AKAP19: variants seen among roughly 807,000 people sequenced by gnomAD.
The protein encoded by AKAP19 is A-kinase anchoring protein 19.
At chr2:190,115,215 G>GAAGGAGAAGTAGA in the AKAP19 span, among the ~76,000 whole-genome samples, 5 of 114,818 alleles carry the variant, frequency 4.4e-5, no homozygotes, top group African/African-American at 1.7e-4. Context: ...GACAGAGAGA[G>GAAGGAGAAGTAGA]AAGGAGAAGT....
chr2:190,088,144 C>T, the AKAP19 span, among the ~76,000 whole-genome samples: 4 of 152,296 alleles, frequency 2.6e-5, no homozygotes, highest in East Asian at 7.7e-4. Context: ...TTTGCCAAAG[C>T]TTCCATAACT....
At chr2:189,948,006 T>G in the AKAP19 span, among the ~76,000 whole-genome samples, 4 of 152,244 alleles carry the variant, frequency 2.6e-5, no homozygotes, top group African/African-American at 7.2e-5. Flanking sequence ...TCTAACTTGG[T>G]GGAAAATTTG....
At chr2:190,150,213 C>T in the AKAP19 span, 2 of 152,258 alleles carry the variant, frequency 1.3e-5, no homozygotes, top group African/African-American at 2.4e-5. Context: ...TTTGCGCCCT[C>T]CCCCGAGTTC....
the AKAP19 span, among the ~76,000 whole-genome samples, chr2:190,166,320 T>A: frequency 6.7e-5 from 8 of 119,926 alleles, no homozygotes; most frequent in East Asian, 1.9e-3. Flanking sequence ...ATCCACTCTT[T>A]TTTTTTTTTT....
chr2:190,174,567 C>G, the AKAP19 span, among the ~76,000 whole-genome samples: 2 of 152,080 alleles, frequency 1.3e-5, no homozygotes, highest in Admixed American at 6.6e-5. Context: ...AGAAGCTAAA[C>G]TATGTTGATC....
the AKAP19 span, among the ~76,000 whole-genome samples, chr2:189,926,996 A>T: frequency 6.6e-6 from 1 of 151,890 alleles, no homozygotes; most frequent in Non-Finnish European, 1.5e-5. Flanking sequence ...TGATCCTCCT[A>T]CCTCAACCTC....
the AKAP19 span, among the ~76,000 whole-genome samples, chr2:190,162,103 G>A: frequency 6.6e-6 from 1 of 152,076 alleles, no homozygotes; most frequent in South Asian, 2.1e-4. Context: ...GATTATGTGA[G>A]CAAACGTGTT....
chr2:190,060,323 G>A, the AKAP19 span: 32 of 1,612,792 alleles, frequency 2.0e-5, 1 homozygote, highest in South Asian at 2.3e-4. Flanking sequence ...GAGTCTCGAC[G>A]GGTCTCAAAT....
chr2:189,961,205 G>A, the AKAP19 span, among the ~76,000 whole-genome samples: 2 of 152,128 alleles, frequency 1.3e-5, no homozygotes, highest in African/African-American at 2.4e-5. Context: ...ACCCACACCC[G>A]TGTTCTTTGC....
At chr2:189,889,759 G>A in the AKAP19 span, among the ~76,000 whole-genome samples, 2 of 152,112 alleles carry the variant, frequency 1.3e-5, no homozygotes, top group African/African-American at 4.8e-5. Context: ...GTGTTTCTGT[G>A]GGATCAGTGG....
At chr2:190,131,701 G>A in the AKAP19 span, among the ~76,000 whole-genome samples, 3 of 152,322 alleles carry the variant, frequency 2.0e-5, no homozygotes, top group Non-Finnish European at 4.4e-5. Context: ...GGGCAGTCTT[G>A]TAGGATCAAA....
At chr2:190,180,635 C>G in the AKAP19 span, 1 of 985,744 alleles carries the variant, frequency 1.0e-6, no homozygotes, top group Non-Finnish European at 1.2e-6. This position sits in a 1 kb window ranked among gnomAD's most constrained non-coding sequence, Gnocchi z 6.8. Context: ...CCGCTCCGCC[C>G]GCCCCTGCCT....
chr2:189,911,857 A>T, the AKAP19 span, among the ~76,000 whole-genome samples: 1 of 151,956 alleles, frequency 6.6e-6, no homozygotes, highest in African/African-American at 2.4e-5. Context: ...AATATTTCTT[A>T]AAAAGCTCTA....
the AKAP19 span, among the ~76,000 whole-genome samples, chr2:190,049,040 TA>T: frequency 1.3e-5 from 2 of 152,054 alleles, no homozygotes; most frequent in South Asian, 2.1e-4. Context: ...CTGGAAGCCA[TA>T]AATAAAGACT....
At chr2:190,007,727 G>C in the AKAP19 span, among the ~76,000 whole-genome samples, 2 of 152,202 alleles carry the variant, frequency 1.3e-5, no homozygotes, top group African/African-American at 4.8e-5. Context: ...TTGGGAGGCT[G>C]AGGTGGGTGG....
the AKAP19 span, among the ~76,000 whole-genome samples, chr2:189,950,178 C>T: frequency 2.8e-4 from 43 of 151,526 alleles, no homozygotes; most frequent in South Asian, 2.1e-3. Flanking sequence ...CAGGTGCCTG[C>T]CATGATGCCC....
At chr2:190,191,330 A>T in the AKAP19 span, among the ~76,000 whole-genome samples, 1 of 151,722 alleles carries the variant, frequency 6.6e-6, no homozygotes, top group Non-Finnish European at 1.5e-5. Flanking sequence ...TTTTCAGTAG[A>T]GACAGAGTTT....
the AKAP19 span, among the ~76,000 whole-genome samples, chr2:189,969,184 G>T: frequency 1.3e-5 from 2 of 152,128 alleles, no homozygotes; most frequent in Non-Finnish European, 2.9e-5. Flanking sequence ...AGCCCAAGGT[G>T]ATAGTATTAA....
the AKAP19 span, among the ~76,000 whole-genome samples, chr2:189,890,317 T>C: frequency 6.6e-6 from 1 of 152,150 alleles, no homozygotes; most frequent in Non-Finnish European, 1.5e-5. Context: ...TTCTTTTGCA[T>C]TTCCTGAGGA....
Sources: allele counts gnomAD v4.1 joint callset (sites outside exome capture counted in the v4.1 genomes callset), GRCh38; gene constraint gnomAD v4.1.1; non-coding constraint Gnocchi (gnomAD v3.1); transcripts MANE v1.5; gene names NCBI Gene and HGNC (gene_info 2026-07-23, HGNC 2026-07-21).